PDCL3: variants seen among roughly 807,000 people sequenced by gnomAD.
PDCL3 encodes the protein phosducin-like protein 3.
A neutral mutation model predicts 26.5 loss-of-function variants in PDCL3; 22 were observed. The ratio of observed to expected loss-of-function variants is 0.83; its 90% confidence interval spans 0.59 to 1.19. The LOEUF is 1.19. Among genes scored for constraint, PDCL3 ranks in the 50% most tolerant of loss-of-function variants. The pLI is 0.00. For synonymous variants in PDCL3, 81 were observed against 104.9 expected, an observed-to-expected ratio of 0.77 and a Z score of 1.39; for missense variants, 246 against 294.1, an observed-to-expected ratio of 0.84 and a Z score of 1.20.
chr2:100,573,980 GATAT>G (rs138137049), intron 5 of PDCL3, among the ~76,000 whole-genome samples: 1 of 151,650 alleles, frequency 6.6e-6, no homozygotes, highest in African/African-American at 2.4e-5. Context: ...GATATATAAA[GATAT>G]ATATATAGAG....
chr2:100,563,024 G>T lies in PDCL3; in HGVS notation c.-44G>T, dbSNP rs1245840744. The T allele has an allele frequency of 3.8e-6, 6 of 1,586,104 alleles. No individual in the cohort carries two copies. The highest frequency in any genetic ancestry group is 5.1e-6 in the Non-Finnish European group (6 of 1,166,980). On this transcript the variant is annotated 5_prime_UTR_variant, in exon 1 of 6. Transcript: ENST00000264254. Reference sequence around the variant, plus strand: ...GCACAAAAGAGAGCTGAGGGGCGGGGGCGCTGCGGCACAGCTGGTTTGAGC... The same window carrying T: ...GCACAAAAGAGAGCTGAGGGGCGGGTGCGCTGCGGCACAGCTGGTTTGAGC...
At chr2:100,563,917 T>G (rs1037195406) in intron 1 of PDCL3, among the ~76,000 whole-genome samples, 2 of 144,392 alleles carry the variant, frequency 1.4e-5, no homozygotes, top group Non-Finnish European at 3.0e-5. Context: ...CAGACACTGT[T>G]TTTTTTTTTT....
chr2:100,572,691 TGTATTTTTA>T lies in PDCL3; in HGVS notation c.577+897_577+905del, dbSNP rs1228866381. Reference sequence around the variant, plus strand: ...TGCCAACATGCCTGGCTAATTTTTTTGTATTTTTAGTAGAGACAGGGTTTCTCCATGTGG... The same window carrying T: ...TGCCAACATGCCTGGCTAATTTTTTTGTAGAGACAGGGTTTCTCCATGTGG... On this transcript the variant is annotated intron_variant, in intron 5 of 5. Coordinates refer to ENST00000264254, the MANE Select transcript of PDCL3 (RefSeq NM_024065.5). Among the ~76,000 whole-genome samples the T allele has an allele frequency of 4.6e-5, 7 of 150,700 alleles. No individual in the cohort carries two copies. The South Asian group carries it at 1.3e-3, about 27-fold the overall frequency.
chr2:100,573,124 C>T (rs1006696981), intron 5 of PDCL3, among the ~76,000 whole-genome samples: 1 of 151,456 alleles, frequency 6.6e-6, no homozygotes, highest in African/African-American at 2.4e-5. Context: ...ACCTCGTGAT[C>T]TGCCCGCCAC....
chr2:100,566,451 A>G, intron 1 of PDCL3, 52 bp from the exon 2 acceptor site: 1 of 1,588,376 alleles, frequency 6.3e-7, no homozygotes, highest in Non-Finnish European at 8.6e-7. Context: ...CCAACGTGGC[A>G]CCCTACATAC....
chr2:100,570,577 C>T (rs1675148653), intron 4 of PDCL3, among the ~76,000 whole-genome samples: 1 of 149,572 alleles, frequency 6.7e-6, no homozygotes, highest in South Asian at 2.1e-4. Context: ...CTCCCAGGTT[C>T]AAGCGATTCT....
At chr2:100,566,773 T>A in intron 2 of PDCL3, 144 bp downstream of exon 2, 1 of 1,173,978 alleles carries the variant, frequency 8.5e-7, no homozygotes, top group Non-Finnish European at 1.2e-6. Flanking sequence ...AGGGCGTCTC[T>A]CACCTTCACC....
At chr2:100,563,160 G>T (rs1674982790) in intron 1 of PDCL3, 87 bp downstream of exon 1, 4 of 1,493,536 alleles carry the variant, frequency 2.7e-6, no homozygotes, top group Non-Finnish European at 3.6e-6. Context: ...GCCCGCCCTG[G>T]GGGAAGCTCC....
intron 5 of PDCL3, among the ~76,000 whole-genome samples, chr2:100,572,417 G>A (rs562148433): frequency 1.1e-4 from 16 of 152,148 alleles, no homozygotes; most frequent in African/African-American, 3.9e-4. Context: ...TCACCATGTT[G>A]GCCAGGCTGG....
At chr2:100,564,719 C>T (rs574844487) in intron 1 of PDCL3, among the ~76,000 whole-genome samples, 2 of 152,222 alleles carry the variant, frequency 1.3e-5, no homozygotes, top group Admixed American at 6.5e-5. Flanking sequence ...GCTCCATTAG[C>T]AGTGTTCTTG....
chr2:100,563,142 C>T (rs1447599856), intron 1 of PDCL3, 69 bp downstream of exon 1: 4 of 1,533,098 alleles, frequency 2.6e-6, no homozygotes, highest in African/African-American at 2.8e-5. Flanking sequence ...CCCGGGCGGG[C>T]AGTGGACGCC....
rs779458533 is a variant in PDCL3 at position 100,566,642 on chromosome 2, G to T, written c.133+13G>T. 3 of 1,613,258 alleles carry T rather than the reference G, an allele frequency of 1.9e-6. No homozygotes were observed. Among genetic ancestry groups the T allele is most frequent in the African/African-American group, 2.7e-5 (2 of 74,930 alleles). The stretch of plus-strand genomic sequence containing the variant: ...CAGCAGTCAGTGGGTGAGTTCACTC[G>T]CTTTCCTCTGCACCTGTCTGGGTTA... On this transcript the variant is annotated intron_variant, in intron 2 of 5. Coordinates refer to ENST00000264254, the MANE Select transcript of PDCL3 (RefSeq NM_024065.5).
At chr2:100,568,458 C>T (rs1399616441) in intron 2 of PDCL3, among the ~76,000 whole-genome samples, 1 of 152,002 alleles carries the variant, frequency 6.6e-6, no homozygotes, top group African/African-American at 2.4e-5. Flanking sequence ...ATGGTGAAAC[C>T]CTGTCTCTAT....
chr2:100,569,755 TA>T (rs1675131394), intron 4 of PDCL3, 34 bp downstream of exon 4: 6 of 1,589,868 alleles, frequency 3.8e-6, no homozygotes, highest in Non-Finnish European at 4.3e-6. Context: ...TATCAAATGT[TA>T]ATTTGAATTT....
chr2:100,571,493 T>C lies in PDCL3; in HGVS notation c.369-97T>C. The stretch of plus-strand genomic sequence containing the variant: ...CTAGCAGCAGAATTACTTGTGAAAC[T>C]GTTACAAGGTTTTACTTAGGGTAGA... On this transcript the variant is annotated intron_variant, in intron 4 of 5. Coordinates refer to ENST00000264254, the MANE Select transcript of PDCL3 (RefSeq NM_024065.5). 5 of 1,077,018 alleles carry C rather than the reference T, an allele frequency of 4.6e-6. No homozygotes were observed. The South Asian group carries it at 7.4e-5, about 16-fold the overall frequency. The allele number at this position is 1,077,018 out of a possible 1,614,324, so 66.7% of individuals were successfully genotyped here.
intron 1 of PDCL3, among the ~76,000 whole-genome samples, chr2:100,565,357 C>G (rs549569132): frequency 6.6e-6 from 1 of 150,666 alleles, no homozygotes; most frequent in East Asian, 2.0e-4. Flanking sequence ...TCACTGCAAG[C>G]TCCACCTCCC....
chr2:100,571,409 C>T (rs1319444401), intron 4 of PDCL3, among the ~76,000 whole-genome samples, 181 bp from the exon 5 acceptor site: 1 of 152,140 alleles, frequency 6.6e-6, no homozygotes, highest in Non-Finnish European at 1.5e-5. Flanking sequence ...CACTTCACTC[C>T]ATTTAGCCTG....
intron 4 of PDCL3, among the ~76,000 whole-genome samples, chr2:100,571,120 A>AAAAC (rs1675159648): frequency 7.0e-6 from 1 of 143,778 alleles, no homozygotes; most frequent in African/African-American, 2.6e-5. Flanking sequence ...TTTACAAAAA[A>AAAAC]AAAAAAAAAA....
rs548272038 is a variant in PDCL3 at position 100,570,678 on chromosome 2, A to G, written c.369-912A>G. 3.2e-4 allele frequency among the ~76,000 whole-genome samples: 49 copies of G among 151,990 alleles called. 1 individual carries two copies. In the South Asian group the frequency reaches 7.9e-3, roughly 24 times the overall value. ...TTTTTAGTAGAGACGGGGTTTCACC[A>G]TCTTGGCCAGGCTGGTCTTGAACTC... On this transcript the variant is annotated intron_variant, in intron 4 of 5. Transcript: ENST00000264254.
Sources: allele counts gnomAD v4.1 joint callset (sites outside exome capture counted in the v4.1 genomes callset), GRCh38; gene constraint gnomAD v4.1.1; transcripts MANE v1.5; gene names NCBI Gene and HGNC (gene_info 2026-07-23, HGNC 2026-07-21).